Variants in NPR3 observed in about 807,000 individuals in gnomAD.
The protein encoded by NPR3 is natriuretic peptide receptor 3, also known as atrial natriuretic peptide receptor 3.
Under a neutral mutation model 54.5 loss-of-function variants are expected in NPR3, and 34 were observed. The ratio of observed to expected loss-of-function variants is 0.62; its 90% CI spans 0.47 to 0.83. NPR3 has a LOEUF of 0.83. Ranked by LOEUF, NPR3 falls within the 40% of genes least tolerant of loss-of-function variation. The pLI is 0.00. For synonymous variants in NPR3, 289 were observed against 297.1 expected, an observed-to-expected ratio of 0.97 and a Z score of 0.28; for missense variants, 674 against 720.8, an observed-to-expected ratio of 0.94 and a Z score of 0.74.
At position 32,693,495 on chromosome 5, in the gene NPR3, G is replaced by T. The variant is rs368168251; in HGVS notation, c.100+4309G>T. 4.6e-5 allele frequency among the ~76,000 whole-genome samples: 7 copies of T among 152,302 alleles called. No homozygotes were observed. The East Asian group carries it at 5.8e-4, about 13-fold the overall frequency. On this transcript the variant is annotated intron_variant, in intron 1 of 5. Coordinates refer to the NPR3 transcript ENST00000509104. ...GCTTAATGCTGACTAATTTAGAATA[G>T]AAAATGTTCAATATTGTGATGTAAT...
At chr5:32,785,933 A>G (rs1354223146) in intron 7 of NPR3, among the ~76,000 whole-genome samples, 1 of 152,248 alleles carries the variant, frequency 6.6e-6, no homozygotes, top group African/African-American at 2.4e-5. Context: ...TATCAAGGGC[A>G]TATCCTGGGA....
At chr5:32,763,233 A>G (rs947081430) in intron 3 of NPR3, among the ~76,000 whole-genome samples, 25 of 152,122 alleles carry the variant, frequency 1.6e-4, no homozygotes, top group African/African-American at 6.0e-4. Flanking sequence ...TGGTTACTGT[A>G]GCCTTGTAGT....
At chr5:32,713,571 T>G in intron 1 of NPR3, 3 of 708,332 alleles carry the variant, frequency 4.2e-6, no homozygotes, top group Non-Finnish European at 5.2e-6. Context: ...GCGCCTGGAA[T>G]GTGAGTGGTG....
chr5:32,740,280 C>T (rs1006426935), intron 3 of NPR3, among the ~76,000 whole-genome samples: 3 of 152,200 alleles, frequency 2.0e-5, no homozygotes, highest in Non-Finnish European at 2.9e-5. Flanking sequence ...ATTCAAATTA[C>T]TTTTTCCTGT....
intron 3 of NPR3, among the ~76,000 whole-genome samples, chr5:32,761,667 T>C (rs893832253): frequency 1.3e-5 from 2 of 151,824 alleles, no homozygotes; most frequent in Non-Finnish European, 2.9e-5. Context: ...TATTTTTTTT[T>C]AATATAGCTT....
chr5:32,711,886 G>C lies in NPR3; in HGVS notation c.110G>C (p.Gly37Ala). Reference sequence around the variant, plus strand: ...GTTGGCGGCGGCGGCGGTGGCGCGGGCATAGGCGGCGGACGCCAGGAGAGA... The same window carrying C: ...GTTGGCGGCGGCGGCGGTGGCGCGGCCATAGGCGGCGGACGCCAGGAGAGA... ...GGVGGGGGGAGIGGGRQEREA... is the reference protein window; with the variant it reads ...GGVGGGGGGAAIGGGRQEREA... Residue 37 changes from glycine (G) to alanine (A), a missense_variant, in exon 1 of 8, where the codon GGC becomes GCC. Transcript: ENST00000265074. The C allele has an allele frequency of 6.8e-7, 1 of 1,474,848 alleles. No individual in the cohort carries two copies. Among genetic ancestry groups the C allele is most frequent in the Non-Finnish European group, 9.0e-7 (1 of 1,114,662 alleles). 91.4% of individuals were successfully genotyped at this position (1,474,848 alleles called of 1,614,324 possible).
At chr5:32,704,761 G>A (rs984442989), upstream of NPR3, among the ~76,000 whole-genome samples, 7 of 152,182 alleles carry the variant, frequency 4.6e-5, no homozygotes, top group East Asian at 1.9e-4. Context: ...TGCAACATGC[G>A]CTGGCGTTTG....
At chr5:32,708,911 C>CTT (rs550658964), upstream of NPR3, among the ~76,000 whole-genome samples, 1 of 139,084 alleles carries the variant, frequency 7.2e-6, no homozygotes, top group African/African-American at 2.6e-5. Context: ...ATAACACTGG[C>CTT]TTTTTTTTTT....
At chr5:32,729,005 T>G (rs1739303434) in intron 2 of NPR3, among the ~76,000 whole-genome samples, 5 of 146,440 alleles carry the variant, frequency 3.4e-5, no homozygotes, top group Admixed American at 6.8e-5. Flanking sequence ...TAATATTGTG[T>G]GCCTGTGTGT....
intron 3 of NPR3, among the ~76,000 whole-genome samples, chr5:32,751,589 G>T (rs1434926153): frequency 6.6e-6 from 1 of 152,152 alleles, no homozygotes; most frequent in Non-Finnish European, 1.5e-5. Context: ...CCCGTAGCTT[G>T]TTTTTTCTCC....
At chr5:32,716,414 G>A (rs746570630) in intron 1 of NPR3, 1 of 454,660 alleles carries the variant, frequency 2.2e-6, no homozygotes, top group South Asian at 1.6e-5. Context: ...AATCCCAGTG[G>A]AAGAAAATTC....
chr5:32,744,940 C>T (rs1054987165), intron 3 of NPR3, among the ~76,000 whole-genome samples: 1 of 152,194 alleles, frequency 6.6e-6, no homozygotes, highest in African/African-American at 2.4e-5. Flanking sequence ...GTACATGGCA[C>T]ATAGGAAATG....
rs547861030 is a variant in NPR3, at chr5:32,736,099, C to T, written c.893-2765C>T. Among the ~76,000 whole-genome samples, 7 of 151,582 alleles carry T rather than the reference C, an allele frequency of 4.6e-5. No homozygotes were observed. In the South Asian group the frequency reaches 1.0e-3, roughly 23 times the overall value. The stretch of plus-strand genomic sequence containing the variant: ...TACAAAAATTAGCCGGGTGTGGTGG[C>T]GCATGTCTGTAACCCCAGCTACTCG... On this transcript the variant is annotated intron_variant, in intron 2 of 7. Coordinates refer to ENST00000265074, the MANE Select transcript of NPR3 (RefSeq NM_001204375.2).
intron 2 of NPR3, among the ~76,000 whole-genome samples, chr5:32,729,806 G>T (rs941656061): frequency 5.3e-5 from 8 of 152,140 alleles, no homozygotes; most frequent in Non-Finnish European, 1.0e-4. Flanking sequence ...GTTTGTCATT[G>T]ACTGAAATGT....
intron 2 of NPR3, among the ~76,000 whole-genome samples, chr5:32,728,395 G>A (rs1201714320): frequency 6.6e-6 from 1 of 151,756 alleles, no homozygotes; most frequent in Non-Finnish European, 1.5e-5. Flanking sequence ...CCTGGGAGGT[G>A]GAGGTTGCAG....
intron 1 of NPR3, chr5:32,713,355 G>A: frequency 1.0e-6 from 1 of 985,484 alleles, no homozygotes; most frequent in Non-Finnish European, 1.2e-6. Context: ...TGGACAAAGA[G>A]CTCGAGGCTG....
chr5:32,758,901 T>C (rs1180985096), intron 3 of NPR3, among the ~76,000 whole-genome samples: 6 of 152,210 alleles, frequency 3.9e-5, no homozygotes, highest in Non-Finnish European at 5.9e-5. Flanking sequence ...AGTTTCCATG[T>C]AGTTGAGCAG....
In NPR3 at chr5:32,713,777, C is replaced by T. The variant is rs189555885; in HGVS notation, c.769+1232C>T. On this transcript the variant is annotated intron_variant, in intron 1 of 7. Transcript: ENST00000265074. ...TGGACAGAGAAGCCATCGATAATGGCGCTGCTGTCACCGCCTTGCCATCTT... is the reference window on the plus strand; with the variant it reads ...TGGACAGAGAAGCCATCGATAATGGTGCTGCTGTCACCGCCTTGCCATCTT... Among the ~76,000 whole-genome samples, 419 of 152,338 alleles carry T rather than the reference C, an allele frequency of 2.8e-3. 2 individuals are homozygous for T. The highest frequency in any genetic ancestry group is 6.8e-3 in the Middle Eastern group (2 of 294).
intron 1 of NPR3, among the ~76,000 whole-genome samples, chr5:32,720,304 A>G (rs1259099922): frequency 6.6e-6 from 1 of 152,202 alleles, no homozygotes; most frequent in African/African-American, 2.4e-5. Context: ...GGGAGTGTAA[A>G]TGAAAGCACA....
Sources: gnomAD v4.1 joint callset for allele counts (sites outside exome capture counted in the v4.1 genomes callset) on GRCh38, gnomAD v4.1.1 for gene constraint, MANE v1.5 for transcripts, NCBI Gene and HGNC (gene_info 2026-07-23, HGNC 2026-07-21) for gene names.